PLXND1: variants seen among roughly 807,000 people sequenced by gnomAD.
The protein encoded by PLXND1 is plexin-D1.
In PLXND1, 54 loss-of-function variants were observed where a neutral mutation model predicts 197.7. The observed-to-expected ratio is 0.27, with a 90% CI of 0.22 to 0.34. The LOEUF is 0.34. Among genes scored for constraint, PLXND1 ranks in the 10% least tolerant of loss-of-function variants. The probability of loss-of-function intolerance (pLI) is 1.00; values close to 1 mark genes in which losing one functional copy is unlikely to be tolerated. For missense variants in PLXND1, 2,127 were observed against 2,699.2 expected (o/e 0.79, Z 4.70); for synonymous variants, 1,180 against 1,161.2 (o/e 1.02, Z -0.33).
chr3:129,573,952 C>T (rs1476105355), intron 12 of PLXND1, among the ~76,000 whole-genome samples: 1 of 152,170 alleles, frequency 6.6e-6, no homozygotes, highest in South Asian at 2.1e-4. Flanking sequence ...TTACTGAGCC[C>T]ACGTGGGCCT....
At chr3:129,565,688 C>T (rs2085129284) in intron 24 of PLXND1, 150 bp from the exon 25 acceptor site, 5 of 877,824 alleles carry the variant, frequency 5.7e-6, no homozygotes, top group African/African-American at 1.7e-5. Context: ...CTAGAATCCT[C>T]CTGGAGAAAC....
Position 129,601,249 on chromosome 3 carries a change from T to A in PLXND1, c.1311+4080A>T, listed in dbSNP as rs373513009. ...ACGTTGAAAACAATCAGGGACAAAT[T>A]TGGGGACTTCTGAGGGCTGCGGGGA... On this transcript the variant is annotated intron_variant, in intron 1 of 35. Coordinates refer to ENST00000324093, the MANE Select transcript of PLXND1 (RefSeq NM_015103.3). 1.6e-4 allele frequency among the ~76,000 whole-genome samples: 24 copies of A among 152,260 alleles called. No homozygotes were observed. The South Asian group carries it at 2.1e-3, about 13-fold the overall frequency.
chr3:129,576,220 G>C (rs2085312378), intron 9 of PLXND1, among the ~76,000 whole-genome samples: 1 of 152,176 alleles, frequency 6.6e-6, no homozygotes, highest in Admixed American at 6.5e-5. Context: ...TGCCCTACCA[G>C]GCCCTGCTCA....
chr3:129,574,593 T>TGATGGGGCG, intron 11 of PLXND1, 103 bp from the exon 12 acceptor site: 2 of 1,173,406 alleles, frequency 1.7e-6, no homozygotes, highest in Non-Finnish European at 2.4e-6. Flanking sequence ...CTGCGCCCCA[T>TGATGGGGCG]CATTGTGGTG....
At chr3:129,574,545 A>G (rs1578327926) in intron 11 of PLXND1, 55 bp from the exon 12 acceptor site, 5 of 1,542,844 alleles carry the variant, frequency 3.2e-6, no homozygotes, top group East Asian at 4.5e-5. Flanking sequence ...ATGCCCCAAC[A>G]CCGCTGTGCC....
At chr3:129,603,431 G>A (rs750126155) in intron 1 of PLXND1, among the ~76,000 whole-genome samples, 1 of 152,184 alleles carries the variant, frequency 6.6e-6, no homozygotes, top group South Asian at 2.1e-4. Flanking sequence ...CCAAAGGGCC[G>A]AGACACAGGG....
intron 29 of PLXND1, among the ~76,000 whole-genome samples, 180 bp downstream of exon 29, chr3:129,561,466 T>C (rs1448529983): frequency 6.6e-6 from 1 of 152,150 alleles, no homozygotes; most frequent in South Asian, 2.1e-4. Flanking sequence ...GGAGGCCTGG[T>C]GTGGGCCCTG....
chr3:129,570,620 A>G, intron 19 of PLXND1, 166 bp downstream of exon 19: 1 of 684,710 alleles, frequency 1.5e-6, no homozygotes, highest in Non-Finnish European at 2.5e-6. Context: ...CTTGGGCCTC[A>G]GTTTCCTCAT....
In PLXND1 at chr3:129,562,910, C is replaced by T. The variant is rs2085082765; in HGVS notation, c.4702G>A (p.Asp1568Asn). 1.2e-6 allele frequency: 2 copies of T among 1,607,408 alleles called. No homozygotes were observed. The highest frequency in any genetic ancestry group is 1.3e-5 in the African/African-American group (1 of 74,814). Residue 1568 changes from aspartate to asparagine, a missense_variant, in exon 27 of 36, where the codon GAC (aspartate) becomes AAC (asparagine). By Grantham distance (23) the Asp-to-Asn change is conservative. Around this residue, in one of 6 missense-constraint regions of PLXND1, gnomAD observed 532 missense variants for 811.0 expected, o/e 0.66. Coordinates refer to ENST00000324093, the MANE Select transcript of PLXND1 (RefSeq NM_015103.3). ...TCCATGGCCCGCACGCTCAGCGAGT[C>T]CATGCCACAGCCCTGGAAGGACACG... Reference protein sequence around the residue: ...LNVSFQGCGMDSLSVRAMDTD... With the variant: ...LNVSFQGCGMNSLSVRAMDTD...
rs1411597579 is a variant in PLXND1, at chr3:129,605,314, A to G, written c.1311+15T>C. ...CGCCGCCGCCGCCGCCGCCGCCGCC[A>G]CCGCCCGGGTGTACCTGGATGTTGA... is the stretch of plus-strand genomic sequence containing the variant. On this transcript the variant is annotated intron_variant, in intron 1 of 35. Transcript: ENST00000324093. 1.1e-5 allele frequency: 13 copies of G among 1,169,248 alleles called. No homozygotes were observed. The highest frequency in any genetic ancestry group is 3.6e-5 in the East Asian group (1 of 27,672). The allele number at this position is 1,169,248 out of a possible 1,614,324, so 72.4% of individuals were successfully genotyped here. A position where few individuals can be genotyped will look rare whatever the true frequency, so the allele number is the denominator to read the frequency against.
chr3:129,580,695 C>T (rs759234181), intron 8 of PLXND1, among the ~76,000 whole-genome samples: 25 of 152,052 alleles, frequency 1.6e-4, no homozygotes, highest in Non-Finnish European at 2.9e-4. Context: ...TCTAGAGAAC[C>T]GAGGCTGGAG....
intron 25 of PLXND1, among the ~76,000 whole-genome samples, chr3:129,563,697 A>G (rs7616908): frequency 0.13 from 20,237 of 152,134 alleles, 2,892 homozygotes; most frequent in African/African-American, 0.36. Flanking sequence ...GCTGATGACT[A>G]TGGAGTCTCA....
chr3:129,589,307 G>GCCGGGGCCCCCCCCCCCCCC, intron 2 of PLXND1, 44 bp downstream of exon 2: 1 of 684,690 alleles, frequency 1.5e-6, no homozygotes, highest in Non-Finnish European at 2.6e-6. Context: ...TCCCAGGGGA[G>GCCGGGGCCCCCCCCCCCCCC]CCTCCCACCC....
At chr3:129,570,024 T>C (rs1161119057) in intron 19 of PLXND1, 67 bp from the exon 20 acceptor site, 1 of 897,962 alleles carries the variant, frequency 1.1e-6, no homozygotes, top group African/African-American at 1.6e-5. Context: ...GCTCCTCACT[T>C]GCTGTGTGGC....
At chr3:129,567,442 G>T in intron 22 of PLXND1, 50 bp downstream of exon 22, 1 of 1,095,432 alleles carries the variant, frequency 9.1e-7, no homozygotes, top group Non-Finnish European at 1.4e-6. Context: ...AGGTCGAGTT[G>T]CCTTGAGGTG....
chr3:129,562,010 A>G (rs1478603403), intron 27 of PLXND1, 107 bp from the exon 28 acceptor site: 2 of 739,982 alleles, frequency 2.7e-6, no homozygotes, highest in South Asian at 1.5e-5. Context: ...CTCCATGTAA[A>G]CTGAGGCAAG....
At chr3:129,563,662 G>A (rs1233815814) in intron 25 of PLXND1, among the ~76,000 whole-genome samples, 4 of 152,186 alleles carry the variant, frequency 2.6e-5, no homozygotes, top group South Asian at 4.1e-4. Context: ...CCGAAACACC[G>A]ATGTGGCCTC....
In PLXND1 at chr3:129,572,883, C is replaced by T. The variant is rs758164377; in HGVS notation, c.2896G>A (p.Ala966Thr). Residue 966 changes from alanine (A) to threonine (T), a missense_variant, in exon 14 of 36, where the codon GCC becomes ACC. Around this residue, in one of 6 missense-constraint regions of PLXND1, gnomAD observed 1,095 missense variants for 1,259.8 expected, o/e 0.87. Coordinates refer to ENST00000324093, the MANE Select transcript of PLXND1 (RefSeq NM_015103.3). The stretch of plus-strand genomic sequence containing the variant: ...TCCCGGGACTTGCCCTCCTTAGAGG[C>T]GTTCACGGTCACCACACCTGAGAGT... ...GPLSGVVTVN[A>T]SKEGKSRDRF... 1.8e-5 allele frequency: 29 copies of T among 1,613,778 alleles called. No homozygotes were observed. The highest frequency in any genetic ancestry group is 1.6e-4 in the Middle Eastern group (1 of 6,084).
At chr3:129,596,752 G>C (rs1576280021) in intron 1 of PLXND1, among the ~76,000 whole-genome samples, 2 of 152,068 alleles carry the variant, frequency 1.3e-5, no homozygotes, top group African/African-American at 2.4e-5. Flanking sequence ...TGGTCTCCTC[G>C]GGGTCCAGCC....
Sources: gnomAD v4.1 joint callset for allele counts (sites outside exome capture counted in the v4.1 genomes callset) on GRCh38, gnomAD v4.1.1 for gene constraint, gnomAD v4.1.1 regional missense constraint, MANE v1.5 for transcripts, NCBI Gene and HGNC (gene_info 2026-07-23, HGNC 2026-07-21) for gene names.